Variants in ELP1 observed in about 807,000 individuals in gnomAD.
The protein encoded by ELP1 is elongator acetyltransferase complex subunit 1.
ELP1 carries 131 observed loss-of-function variants against 183.2 expected under a neutral mutation model. That is an observed-to-expected ratio of 0.72 (90% CI 0.62 to 0.83). ELP1 has a LOEUF of 0.83. Ranked by LOEUF, ELP1 falls within the 40% of genes least tolerant of loss-of-function variation. The pLI, the probability that ELP1 is intolerant of heterozygous loss-of-function variation, is 0.00. For synonymous variants in ELP1, 555 were observed against 569.0 expected, an observed-to-expected ratio of 0.98 and a Z score of 0.35; for missense variants, 1,550 against 1,594.9, an observed-to-expected ratio of 0.97 and a Z score of 0.48.
intron 2 of ELP1, 111 bp from the exon 3 acceptor site, chr9:108,930,032 A>G: frequency 1.6e-6 from 2 of 1,280,084 alleles, no homozygotes; most frequent in Non-Finnish European, 2.2e-6. Context: ...AAGCTTTCAA[A>G]AATATTTTTT....
At chr9:108,898,804 G>T in intron 20 of ELP1, 55 bp from the exon 21 acceptor site, 1 of 1,178,836 alleles carries the variant, frequency 8.5e-7, no homozygotes, top group South Asian at 1.2e-5. Flanking sequence ...TGAGCTCCAT[G>T]GGCCCAGCAT....
At position 108,919,042 on chromosome 9, in the gene ELP1, A is replaced by T; in HGVS notation, c.650-141T>A. 4 of 804,986 alleles carry T rather than the reference A, an allele frequency of 5.0e-6. No individual in the cohort carries two copies. In the South Asian group the frequency reaches 5.9e-5, roughly 12 times the overall value. The allele number at this position is 804,986 out of a possible 1,614,324, so 49.9% of individuals were successfully genotyped here. A position where few individuals can be genotyped will look rare whatever the true frequency, so the allele number is the denominator to read the frequency against. ...AGCCAATTAGATTAATTTTGTTACA[A>T]ATTTGTGTCCACCAGGTAGGAGGAT... is the stretch of plus-strand genomic sequence containing the variant. On this transcript the variant is annotated intron_variant, in intron 7 of 36. Coordinates refer to ENST00000374647, the MANE Select transcript of ELP1 (RefSeq NM_003640.5).
intron 5 of ELP1, among the ~76,000 whole-genome samples, chr9:108,923,174 A>C (rs923520766): frequency 6.6e-6 from 1 of 152,196 alleles, no homozygotes; most frequent in African/African-American, 2.4e-5. Flanking sequence ...GTTCGAGACC[A>C]GCCTGGGCAA....
At chr9:108,902,496 AGTATGT>A (rs1030109725) in intron 16 of ELP1, among the ~76,000 whole-genome samples, 12 of 152,232 alleles carry the variant, frequency 7.9e-5, no homozygotes, top group Admixed American at 1.3e-4. Context: ...TAGGCATTCT[AGTATGT>A]GTTGAATAAA....
chr9:108,895,323 C>A (rs1225151832), intron 25 of ELP1, among the ~76,000 whole-genome samples: 1 of 152,144 alleles, frequency 6.6e-6, no homozygotes, highest in Non-Finnish European at 1.5e-5. Flanking sequence ...AGGAGGGTCA[C>A]CTCACCCAGT....
chr9:108,924,216 C>T (rs1015445319), intron 5 of ELP1, among the ~76,000 whole-genome samples: 1 of 152,190 alleles, frequency 6.6e-6, no homozygotes, highest in Non-Finnish European at 1.5e-5. Flanking sequence ...TTTACTGGAA[C>T]ATAGATGTGC....
intron 28 of ELP1, among the ~76,000 whole-genome samples, chr9:108,890,791 G>A (rs866592954): frequency 5.9e-5 from 9 of 152,146 alleles, no homozygotes; most frequent in Non-Finnish European, 1.0e-4. Flanking sequence ...GCTACATGGC[G>A]TGGCCGAGAT....
intron 5 of ELP1, among the ~76,000 whole-genome samples, chr9:108,925,892 T>C (rs760971301): frequency 1.3e-5 from 2 of 152,176 alleles, no homozygotes; most frequent in Non-Finnish European, 1.5e-5. Flanking sequence ...TGTAAATAAA[T>C]GGGTAGAAGT....
chr9:108,882,238 T>C (rs1284737639), intron 29 of ELP1, 51 bp from the exon 30 acceptor site: 4 of 1,534,206 alleles, frequency 2.6e-6, no homozygotes. Flanking sequence ...ATGTCAGATG[T>C]CATCACAGCC....
intron 29 of ELP1, among the ~76,000 whole-genome samples, chr9:108,884,762 G>C (rs1170033149): frequency 6.6e-6 from 1 of 152,136 alleles, no homozygotes; most frequent in Non-Finnish European, 1.5e-5. Context: ...ATAAAGTAAG[G>C]AATCATCTCA....
At chr9:108,919,110 AC>A (rs1256891296) in intron 7 of ELP1, 142 bp downstream of exon 7, 2 of 751,784 alleles carry the variant, frequency 2.7e-6, no homozygotes, top group Non-Finnish European at 2.3e-6. Context: ...CTTAACTCTA[AC>A]CTCATTTCAC....
chr9:108,902,981 C>T lies in ELP1; in HGVS notation c.1751-39G>A, dbSNP rs374680349. 366 of 1,473,180 alleles carry T rather than the reference C, an allele frequency of 2.5e-4. No homozygotes were observed. In the African/African-American group the frequency reaches 4.4e-3, roughly 18 times the overall value. 91.3% of individuals were successfully genotyped at this position (1,473,180 alleles called of 1,614,324 possible). On this transcript the variant is annotated intron_variant, in intron 15 of 36. Coordinates refer to ENST00000374647, the MANE Select transcript of ELP1 (RefSeq NM_003640.5). ...AGATCTAGTTCACAAATAGCTGATG[C>T]GCTCTTTGCAAAAAACCATCAACAT...
chr9:108,903,705 C>G, intron 14 of ELP1, 36 bp from the exon 15 acceptor site: 1 of 1,453,336 alleles, frequency 6.9e-7, no homozygotes. Context: ...GTAAACAGAC[C>G]ATTTTTCTCA....
intron 22 of ELP1, 40 bp downstream of exon 22, chr9:108,898,462 A>G (rs1828638225): frequency 8.0e-7 from 1 of 1,246,674 alleles, no homozygotes; most frequent in Admixed American, 1.9e-5. Context: ...AAGAGAGAAA[A>G]CTATGGAAAA....
intron 28 of ELP1, 177 bp from the exon 29 acceptor site, chr9:108,889,570 A>G: frequency 1.5e-6 from 1 of 669,356 alleles, no homozygotes; most frequent in East Asian, 2.7e-5. Context: ...TAAATTTAGC[A>G]CAGGAATTGA....
chr9:108,893,203 G>A (rs554439137), intron 26 of ELP1, 120 bp from the exon 27 acceptor site: 24 of 730,202 alleles, frequency 3.3e-5, no homozygotes, highest in Non-Finnish European at 5.3e-5. Context: ...TAAATAATCA[G>A]AGAATCTGAA....
rs1392125158 is a variant in ELP1 at position 108,916,203 on chromosome 9, C to T, written c.958+1G>A. On this transcript the variant is annotated splice_donor_variant, in intron 10 of 36. Coordinates refer to ENST00000374647, the MANE Select transcript of ELP1 (RefSeq NM_003640.5). LOFTEE classifies it high-confidence loss of function. ...AGGCTGGGGTACTACAGCTGTCTTA[C>T]CACAGGTTTTCGGAATGGAGCTTTC... The T allele has an allele frequency of 1.2e-6, 2 of 1,612,624 alleles. No individual in the cohort carries two copies. The highest frequency in any genetic ancestry group is 1.7e-6 in the Non-Finnish European group (2 of 1,178,612).
intron 22 of ELP1, among the ~76,000 whole-genome samples, chr9:108,897,785 C>T (rs943524886): frequency 1.3e-5 from 2 of 152,166 alleles, no homozygotes; most frequent in African/African-American, 4.8e-5. Context: ...GAATCTGAAG[C>T]AGCTTTCTGA....
In ELP1 at chr9:108,878,583, T is replaced by G. The variant is rs764396714; in HGVS notation, c.3700+40A>C. 1.6e-5 allele frequency: 26 copies of G among 1,613,680 alleles called. 1 individual carries two copies. In the South Asian group the frequency reaches 2.1e-4, roughly 13 times the overall value. On this transcript the variant is annotated intron_variant, in intron 34 of 36. Transcript: ENST00000374647. ...CCTGTCTGTACTGCCTATTCACTAT[T>G]GTTTGTGGTCAGGAATCATCATCAG...
Sources: gnomAD v4.1 joint callset for allele counts (sites outside exome capture counted in the v4.1 genomes callset) on GRCh38, gnomAD v4.1.1 for gene constraint, MANE v1.5 for transcripts, NCBI Gene and HGNC (gene_info 2026-07-23, HGNC 2026-07-21) for gene names.